Variants in EMG1 observed in about 807,000 individuals in gnomAD.
EMG1 encodes EMG1 N1-specific pseudouridine methyltransferase.
A neutral mutation model predicts 26.9 loss-of-function variants in EMG1; 24 were observed. The observed-to-expected ratio is 0.89, with a 90% confidence interval of 0.65 to 1.26. The LOEUF (loss-of-function observed/expected upper bound fraction) is 1.26, where lower values mean the gene tolerates loss of function less well. Ranked by LOEUF, EMG1 falls within the 50% of genes most tolerant of loss-of-function variation. The probability of loss-of-function intolerance (pLI) is 0.00; values close to 1 mark genes in which losing one functional copy is unlikely to be tolerated. For synonymous variants in EMG1, 140 were observed against 112.6 expected, an observed-to-expected ratio of 1.24 and a Z score of -1.54; for missense variants, 299 against 307.6, an observed-to-expected ratio of 0.97 and a Z score of 0.21.
intron 6 of EMG1, among the ~76,000 whole-genome samples, chr12:6,986,196 C>T (rs1946524370): frequency 1.3e-5 from 2 of 152,138 alleles, no homozygotes; most frequent in African/African-American, 4.8e-5. Context: ...TCCCCTTAGA[C>T]TTCCCTCTGC....
chr12:6,987,625 G>T lies in EMG1; in HGVS notation c.*155-157G>T, dbSNP rs1946542127. On this transcript the variant is annotated intron_variant and NMD_transcript_variant, in intron 6 of 7. Coordinates refer to the EMG1 transcript ENST00000261406. This position sits in a 1 kb window ranked among gnomAD's most constrained non-coding sequence, Gnocchi z 4.1. ...GGTATAAATAAAAAAATATAAAACA[G>T]TAGATAATTATCTAGAGCACTCATA... Among the ~76,000 whole-genome samples, 1 of 152,200 alleles carries T rather than the reference G, an allele frequency of 6.6e-6. No individual in the cohort carries two copies. Among genetic ancestry groups the T allele is most frequent in the African/African-American group, 2.4e-5 (1 of 41,444 alleles).
At chr12:6,988,557 A>G (rs773614539), downstream of EMG1, among the ~76,000 whole-genome samples, 6 of 152,278 alleles carry the variant, frequency 3.9e-5, no homozygotes, top group African/African-American at 7.2e-5. Flanking sequence ...GTGGGAGCCA[A>G]TGCTTAATAT....
At chr12:6,992,813 G>A (rs1011103395), downstream of EMG1, among the ~76,000 whole-genome samples, 3 of 152,016 alleles carry the variant, frequency 2.0e-5, no homozygotes, top group Admixed American at 2.0e-4. Flanking sequence ...TCTAGTACTC[G>A]CAGCAGACAC....
chr12:6,976,880 C>T lies in EMG1; in HGVS notation c.*1071C>T, dbSNP rs1946409752. 4.7e-6 allele frequency: 2 copies of T among 426,396 alleles called. No individual in the cohort carries two copies. Among genetic ancestry groups the T allele is most frequent in the Non-Finnish European group, 8.7e-6 (2 of 228,866 alleles). The allele number at this position is 426,396 out of a possible 1,614,324, so 26.4% of individuals were successfully genotyped here. On this transcript the variant is annotated 3_prime_UTR_variant, in exon 6 of 6. Coordinates refer to ENST00000599672, the MANE Select transcript of EMG1 (RefSeq NM_006331.8). The stretch of plus-strand genomic sequence containing the variant: ...AGACGAGTAGTTTCTGCACCAGTCC[C>T]GCACAGGCCACCTGCAAGACAAGAG...
At chr12:6,991,484 A>G (rs782758248), downstream of EMG1, among the ~76,000 whole-genome samples, 1 of 152,360 alleles carries the variant, frequency 6.6e-6, no homozygotes, top group South Asian at 2.1e-4. Flanking sequence ...TTTCATTAGA[A>G]TACATATCAA....
chr12:6,981,803 T>A (rs782423609), downstream of EMG1: 3 of 1,608,410 alleles, frequency 1.9e-6, no homozygotes, highest in African/African-American at 1.3e-5. Context: ...GCAGTGACCA[T>A]CACTCACCAA....
At chr12:6,971,382 TCCTGACTCAG>T (rs1946325845) in intron 1 of EMG1, among the ~76,000 whole-genome samples, 1 of 151,618 alleles carries the variant, frequency 6.6e-6, no homozygotes. Flanking sequence ...CAAACAGTTC[TCCTGACTCAG>T]CCTCTGGAGT....
In EMG1 at chr12:6,978,596, T is replaced by C. The variant is rs781981287; in HGVS notation, c.*2787T>C. 10 of 1,614,146 alleles carry C rather than the reference T, an allele frequency of 6.2e-6. No homozygotes were observed. The highest frequency in any genetic ancestry group is 5.3e-5 in the African/African-American group (4 of 75,058). On this transcript the variant is annotated 3_prime_UTR_variant, in exon 6 of 6. Coordinates refer to ENST00000599672, the MANE Select transcript of EMG1 (RefSeq NM_006331.8). ...AAATAGGACCTTGTTTCAACTTTTC[T>C]ACTTACTGTGACCAGCCAACAGGTG...
At chr12:6,991,920 G>A (rs1312133985), downstream of EMG1, among the ~76,000 whole-genome samples, 1 of 152,050 alleles carries the variant, frequency 6.6e-6, no homozygotes, top group African/African-American at 2.4e-5. Context: ...CTCAGGATCA[G>A]GCATGGTGGC....
chr12:6,982,721 C>T, downstream of EMG1: 1 of 1,614,038 alleles, frequency 6.2e-7, no homozygotes. Flanking sequence ...TGGTGCGGCC[C>T]ATTAGTCGAA....
intron 1 of EMG1, 65 bp from the exon 2 acceptor site, chr12:6,974,274 G>A: frequency 2.4e-6 from 3 of 1,253,840 alleles, no homozygotes; most frequent in Non-Finnish European, 3.4e-6. Flanking sequence ...GACCACACTT[G>A]AAGAACCACG....
chr12:6,978,172 G>T lies in EMG1; in HGVS notation c.*2363G>T. Reference sequence around the variant, plus strand: ...CTTTTTTTCAAATATGACAGTAATGGTTTTTTTGGGAGGGGGGTATAGGTG... The same window carrying T: ...CTTTTTTTCAAATATGACAGTAATGTTTTTTTTGGGAGGGGGGTATAGGTG... On this transcript the variant is annotated 3_prime_UTR_variant, in exon 6 of 6. Transcript: ENST00000599672. 2 of 767,724 alleles carry T rather than the reference G, an allele frequency of 2.6e-6. No individual in the cohort carries two copies. The highest frequency in any genetic ancestry group is 4.2e-6 in the Non-Finnish European group (2 of 478,706). 47.6% of individuals were successfully genotyped at this position (767,724 alleles called of 1,614,324 possible).
In EMG1 at chr12:6,979,373, A is replaced by G. The variant is rs1441442500; in HGVS notation, c.*3564A>G. On this transcript the variant is annotated 3_prime_UTR_variant, in exon 6 of 6. Transcript: ENST00000599672. Reference sequence around the variant, plus strand: ...GAGCAAAACCAACATGCACTTGTAGATGATATTTCCTACTTCTCTGCTATC... The same window carrying G: ...GAGCAAAACCAACATGCACTTGTAGGTGATATTTCCTACTTCTCTGCTATC... 2.8e-5 allele frequency: 24 copies of G among 871,938 alleles called. 3 individuals are homozygous for G. In the Admixed American group the frequency reaches 4.9e-4, roughly 18 times the overall value. 54.0% of individuals were successfully genotyped at this position (871,938 alleles called of 1,614,324 possible). A position where few individuals can be genotyped will look rare whatever the true frequency, so the allele number is the denominator to read the frequency against.
chr12:6,985,651 T>C lies in EMG1; in HGVS notation c.*155-2131T>C, dbSNP rs218741. 5.5e-3 allele frequency among the ~76,000 whole-genome samples: 817 copies of C among 148,652 alleles called. 8 individuals carry two copies. Among genetic ancestry groups the C allele is most frequent in the African/African-American group, 0.019 (768 of 40,392 alleles). Reference sequence around the variant, plus strand: ...AATCACTTGAACCTGGGAGGCAGAGTTTGCAGTGAGCTGAGATCGTGCCAT... The same window carrying C: ...AATCACTTGAACCTGGGAGGCAGAGCTTGCAGTGAGCTGAGATCGTGCCAT... On this transcript the variant is annotated intron_variant and NMD_transcript_variant, in intron 6 of 7. Coordinates refer to the EMG1 transcript ENST00000261406.
chr12:6,984,940 TAC>T (rs1206208167), intron 6 of EMG1, among the ~76,000 whole-genome samples: 1 of 152,200 alleles, frequency 6.6e-6, no homozygotes, highest in African/African-American at 2.4e-5. Context: ...TCATGGGCAA[TAC>T]AGTTTACTGT....
chr12:6,984,251 G>T (rs781840678), downstream of EMG1, among the ~76,000 whole-genome samples: 7 of 152,200 alleles, frequency 4.6e-5, no homozygotes, highest in Non-Finnish European at 8.8e-5. Flanking sequence ...ATGATTCAGA[G>T]TATAGTCCAA....
chr12:6,988,045 A>T, intron 7 of EMG1: 1 of 376,892 alleles, frequency 2.7e-6, no homozygotes, highest in Non-Finnish European at 4.7e-6. Flanking sequence ...CTTATTTTAA[A>T]GGTGTAAAAA....
chr12:6,983,257 T>C (rs1484675963), downstream of EMG1: 1 of 568,110 alleles, frequency 1.8e-6, no homozygotes, highest in Admixed American at 3.2e-5. Flanking sequence ...CAGAAGAATG[T>C]ACATAAAAGA....
chr12:6,983,469 A>G (rs201223033), downstream of EMG1: 2 of 1,612,642 alleles, frequency 1.2e-6, no homozygotes, highest in East Asian at 2.2e-5. Flanking sequence ...CTGTAAAGGT[A>G]TGGAAGAGGT....
Sources: gnomAD v4.1 joint callset for allele counts (sites outside exome capture counted in the v4.1 genomes callset) on GRCh38, gnomAD v4.1.1 for gene constraint, Gnocchi (gnomAD v3.1) non-coding constraint, MANE v1.5 for transcripts, NCBI Gene and HGNC (gene_info 2026-07-23, HGNC 2026-07-21) for gene names.